The following GPM6B variants were observed in gnomAD, a reference collection of about 807,000 sequenced individuals.
GPM6B encodes the protein neuronal membrane glycoprotein M6-b.
In GPM6B, 4 loss-of-function variants were observed where a neutral mutation model predicts 27.2. The observed-to-expected ratio is 0.15, with a 90% CI of 0.07 to 0.34. GPM6B has a LOEUF of 0.34. GPM6B is among the 10% of genes least tolerant of loss of function. GPM6B has a pLI of 1.00. For synonymous variants in GPM6B, 124 were observed against 103.1 expected (o/e 1.20, Z -1.23); for missense variants, 183 against 261.9 (o/e 0.70, Z 2.08).
intron 1 of GPM6B, among the ~76,000 whole-genome samples, chrX:13,856,402 G>A: frequency 8.9e-6 from 1 of 111,876 alleles, no homozygotes; most frequent in Non-Finnish European, 1.9e-5. Flanking sequence ...AGCAGCATCT[G>A]GGATCTCAAG....
At chrX:13,874,202 C>G (rs779661131) in intron 1 of GPM6B, among the ~76,000 whole-genome samples, 3 of 111,634 alleles carry the variant, frequency 2.7e-5, no homozygotes, top group Non-Finnish European at 5.7e-5. Flanking sequence ...TAAAATGAAA[C>G]ATTTTCATTT....
At chrX:13,796,550 C>T (rs2048819580) in intron 2 of GPM6B, among the ~76,000 whole-genome samples, 1 of 112,287 alleles carries the variant, frequency 8.9e-6, no homozygotes, top group African/African-American at 3.2e-5. Flanking sequence ...TGTCCAAGAA[C>T]AAAGTGCGAA....
chrX:13,786,399 G>C (rs997726672), intron 2 of GPM6B, among the ~76,000 whole-genome samples: 4 of 111,965 alleles, frequency 3.6e-5, no homozygotes, highest in African/African-American at 6.5e-5. Context: ...TTTTGGAAAG[G>C]TCACAGGTAT....
chrX:13,873,870 C>T (rs1343395749), intron 1 of GPM6B, among the ~76,000 whole-genome samples: 1 of 111,621 alleles, frequency 9.0e-6, no homozygotes, highest in African/African-American at 3.3e-5. Context: ...AGTATCATGT[C>T]CTTCACATTG....
At chrX:13,797,922 A>G (rs980396630) in intron 2 of GPM6B, among the ~76,000 whole-genome samples, 10 of 111,472 alleles carry the variant, frequency 9.0e-5, no homozygotes, top group Non-Finnish European at 3.8e-5. Context: ...CACAAGGGCC[A>G]TTCTAGAAAA....
chrX:13,803,924 G>A (rs1476421814), intron 2 of GPM6B, among the ~76,000 whole-genome samples: 2 of 111,629 alleles, frequency 1.8e-5, no homozygotes, highest in South Asian at 3.8e-4. Context: ...AAATAGAAAC[G>A]GAAAGAAGAA....
At chrX:13,863,677 G>C (rs2049877492) in intron 1 of GPM6B, among the ~76,000 whole-genome samples, 2 of 112,057 alleles carry the variant, frequency 1.8e-5, no homozygotes, top group Admixed American at 1.9e-4. Context: ...CCAGAGCCGA[G>C]AGATTATTTT....
At chrX:13,794,685 A>T (rs1295064485) in intron 2 of GPM6B, among the ~76,000 whole-genome samples, 2 of 112,110 alleles carry the variant, frequency 1.8e-5, no homozygotes, top group African/African-American at 3.2e-5. Flanking sequence ...CTCGCAAGAA[A>T]ATAAATTAAA....
At chrX:13,793,061 C>G (rs1420809450) in intron 2 of GPM6B, among the ~76,000 whole-genome samples, 1 of 109,509 alleles carries the variant, frequency 9.1e-6, no homozygotes, top group Non-Finnish European at 1.9e-5. Context: ...ACCCTCCTCC[C>G]TTCTGGAATT....
chrX:13,809,546 C>T (rs1440985790), intron 1 of GPM6B, among the ~76,000 whole-genome samples: 1 of 111,190 alleles, frequency 9.0e-6, no homozygotes. Flanking sequence ...GAGGCCAAGG[C>T]GGGCGGATCA....
intron 1 of GPM6B, among the ~76,000 whole-genome samples, chrX:13,920,094 T>G (rs1489830890): frequency 2.8e-5 from 3 of 108,534 alleles, no homozygotes; most frequent in African/African-American, 6.7e-5. Flanking sequence ...TGAAACCCCA[T>G]CTCTACTAAA....
upstream of GPM6B, chrX:13,938,497 G>A (rs760853702): frequency 2.1e-6 from 2 of 950,645 alleles, no homozygotes; most frequent in Admixed American, 4.7e-5. Context: ...CAGCCAGCGC[G>A]CTCGCTTACC....
chrX:13,884,271 G>A (rs1232198966), intron 1 of GPM6B, among the ~76,000 whole-genome samples: 1 of 112,733 alleles, frequency 8.9e-6, no homozygotes, highest in African/African-American at 3.2e-5. Flanking sequence ...AGTTACATAT[G>A]TGGCTCACAT....
At chrX:13,871,942 G>T (rs1245603215) in intron 1 of GPM6B, among the ~76,000 whole-genome samples, 1 of 111,777 alleles carries the variant, frequency 8.9e-6, no homozygotes, top group Non-Finnish European at 1.9e-5. Flanking sequence ...TCTTCCAGGT[G>T]TGGTGGTCTT....
intron 1 of GPM6B, among the ~76,000 whole-genome samples, chrX:13,903,198 C>G (rs2050297901): frequency 8.9e-6 from 1 of 111,792 alleles, no homozygotes; most frequent in African/African-American, 3.3e-5. Context: ...CATCTCCTTC[C>G]ATCTGTCTCC....
rs762931252 is a variant in GPM6B, at chrX:13,793,010, C to CA, written c.182-7203dup. 1.4e-4 allele frequency among the ~76,000 whole-genome samples: 15 copies of CA among 107,997 alleles called. 1 individual carries two copies. Among genetic ancestry groups the CA allele is most frequent in the Non-Finnish European group, 2.5e-4 (13 of 52,166 alleles). 93.8% of individuals were successfully genotyped at this position (107,997 alleles called of 115,157 possible). On this transcript the variant is annotated intron_variant, in intron 2 of 7. Transcript: ENST00000316715. ...CAAAGTTAGCCTGAAAAAACTAGTT[C>CA]AGGCCATGATTGGAAGGGAGAGTCA...
In GPM6B at chrX:13,773,038, A is replaced by G; in HGVS notation, c.838-8T>C. On this transcript the variant is annotated splice_polypyrimidine_tract_variant and splice_region_variant and intron_variant, in intron 7 of 7. Transcript: ENST00000316715. Reference sequence around the variant, plus strand: ...TATCATGAGGAAGTGGATCTGGAAGAGAAGGGTGAGCATGATGGCTAGTGA... The same window carrying G: ...TATCATGAGGAAGTGGATCTGGAAGGGAAGGGTGAGCATGATGGCTAGTGA... The G allele has an allele frequency of 8.3e-7, 1 of 1,206,965 alleles. No individual in the cohort carries two copies. Among genetic ancestry groups the G allele is most frequent in the Non-Finnish European group, 1.1e-6 (1 of 891,592 alleles).
At chrX:13,837,722 G>GC (rs2049519367) in intron 1 of GPM6B, among the ~76,000 whole-genome samples, 1 of 86,956 alleles carries the variant, frequency 1.2e-5, no homozygotes, top group Non-Finnish European at 2.3e-5. Context: ...GGGGGGGGGG[G>GC]GGGGGGAAGC....
intron 1 of GPM6B, among the ~76,000 whole-genome samples, chrX:13,925,490 C>CT (rs57186854): frequency 0.034 from 2,706 of 79,847 alleles, 184 homozygotes; most frequent in African/African-American, 0.12. Flanking sequence ...CCATGTCTGG[C>CT]TTTTTTTTTT....
Sources: gnomAD v4.1 joint callset for allele counts (sites outside exome capture counted in the v4.1 genomes callset) on GRCh38, gnomAD v4.1.1 for gene constraint, MANE v1.5 for transcripts, NCBI Gene and HGNC (gene_info 2026-07-23, HGNC 2026-07-21) for gene names.